The following RANBP3L variants were observed in gnomAD, a reference collection of about 807,000 sequenced individuals.
RANBP3L encodes the protein ran-binding protein 3-like.
Under a neutral mutation model 67.2 loss-of-function variants are expected in RANBP3L, and 56 were observed. The ratio of observed to expected loss-of-function variants is 0.83; its 90% CI spans 0.67 to 1.04. The LOEUF (loss-of-function observed/expected upper bound fraction) is 1.04. Among genes scored for constraint, RANBP3L ranks in the 50% least tolerant of loss-of-function variants. RANBP3L has a pLI of 0.00. For missense variants in RANBP3L, 496 were observed against 535.5 expected (o/e 0.93, Z 0.73); for synonymous variants, 164 against 181.4 (o/e 0.90, Z 0.77).
intron 12 of RANBP3L, among the ~76,000 whole-genome samples, chr5:36,252,618 A>G (rs1748674923): frequency 6.6e-6 from 1 of 152,102 alleles, no homozygotes; most frequent in African/African-American, 2.4e-5. Context: ...TTGTATGTGT[A>G]TACTAAAATA....
rs952912137 is a variant in RANBP3L at position 36,298,581 on chromosome 5, C to T, written c.91+2745G>A. Among the ~76,000 whole-genome samples, 9 of 152,284 alleles carry T rather than the reference C, an allele frequency of 5.9e-5. No individual in the cohort carries two copies. In the South Asian group the frequency reaches 1.0e-3, roughly 18 times the overall value. ...TGGAGGAAAAAGCAGGGCCACTGCT[C>T]TGAATGAATACTTTAAAACTCCAGG... On this transcript the variant is annotated intron_variant, in intron 1 of 13. Transcript: ENST00000296604.
chr5:36,290,726 C>CTTTTT (rs61105686), intron 1 of RANBP3L, among the ~76,000 whole-genome samples: 5 of 55,446 alleles, frequency 9.0e-5, no homozygotes, highest in South Asian at 9.1e-4. Flanking sequence ...ACAACCATGG[C>CTTTTT]TTTTTTTTTT....
At chr5:36,262,177 A>G in intron 6 of RANBP3L, 135 bp from the exon 7 acceptor site, 2 of 555,924 alleles carry the variant, frequency 3.6e-6, no homozygotes, top group Non-Finnish European at 6.4e-6. Context: ...CATTTTATGT[A>G]CGATCTCATT....
chr5:36,275,578 T>C (rs1259246314), intron 1 of RANBP3L, among the ~76,000 whole-genome samples: 1 of 152,106 alleles, frequency 6.6e-6, no homozygotes, highest in Non-Finnish European at 1.5e-5. Flanking sequence ...GACTCCCTCC[T>C]TAAATCAGAA....
chr5:36,290,654 T>A (rs1161093695), intron 1 of RANBP3L, among the ~76,000 whole-genome samples: 1 of 1,198 alleles, frequency 8.3e-4, no homozygotes, highest in African/African-American at 4.7e-3. Context: ...AATAAAGGAT[T>A]TTTTTTTTTA....
intron 7 of RANBP3L, among the ~76,000 whole-genome samples, chr5:36,261,731 A>C (rs1208112248): frequency 6.6e-6 from 1 of 152,184 alleles, no homozygotes; most frequent in Non-Finnish European, 1.5e-5. Context: ...GAAACAATGA[A>C]GACAATCCAG....
At chr5:36,268,949 G>A (rs1750010404) in intron 4 of RANBP3L, among the ~76,000 whole-genome samples, 1 of 152,112 alleles carries the variant, frequency 6.6e-6, no homozygotes, top group African/African-American at 2.4e-5. Context: ...AGACCTCATG[G>A]TCTGTCCACC....
chr5:36,259,835 T>G (rs74498842), intron 8 of RANBP3L, among the ~76,000 whole-genome samples: 1 of 152,166 alleles, frequency 6.6e-6, no homozygotes, highest in Non-Finnish European at 1.5e-5. Flanking sequence ...TTCACTTTTC[T>G]GTAAAATTTT....
chr5:36,260,888 A>G, intron 7 of RANBP3L, 24 bp from the exon 8 acceptor site: 1 of 1,019,860 alleles, frequency 9.8e-7, no homozygotes, highest in Non-Finnish European at 1.5e-6. Flanking sequence ...ATAAGCATTT[A>G]CTATTTTAAA....
chr5:36,277,460 G>A (rs1251845079), intron 1 of RANBP3L, among the ~76,000 whole-genome samples: 86 of 149,688 alleles, frequency 5.7e-4, no homozygotes, highest in African/African-American at 1.6e-3. Flanking sequence ...GTGTGTGTGT[G>A]TGTGTGTGTG....
intron 1 of RANBP3L, among the ~76,000 whole-genome samples, chr5:36,272,901 C>T (rs1164456649): frequency 6.6e-6 from 1 of 152,170 alleles, no homozygotes; most frequent in Non-Finnish European, 1.5e-5. Flanking sequence ...CTTGGCCTCC[C>T]AAAGTGCTGG....
Position 36,269,471 on chromosome 5 carries a change from CA to C in RANBP3L, c.191-5del. Reference sequence around the variant, plus strand: ...TTTGTTGGAAAACCATTACATTCTGCAAGAAAAGCAATGGAAAGGCTAAAAT... The same window carrying C: ...TTTGTTGGAAAACCATTACATTCTGCAGAAAAGCAATGGAAAGGCTAAAAT... On this transcript the variant is annotated splice_region_variant and splice_polypyrimidine_tract_variant and intron_variant, in intron 3 of 13. Coordinates refer to ENST00000296604, the MANE Select transcript of RANBP3L (RefSeq NM_145000.5). The C allele has an allele frequency of 6.7e-7, 1 of 1,484,490 alleles. No homozygotes were observed. The highest frequency in any genetic ancestry group is 9.4e-7 in the Non-Finnish European group (1 of 1,062,056). The allele number at this position is 1,484,490 out of a possible 1,614,324, so 92.0% of individuals were successfully genotyped here. A position where few individuals can be genotyped will look rare whatever the true frequency, so the allele number is the denominator to read the frequency against.
intron 1 of RANBP3L, among the ~76,000 whole-genome samples, chr5:36,291,530 C>T (rs1356270787): frequency 6.6e-6 from 1 of 152,064 alleles, no homozygotes; most frequent in African/African-American, 2.4e-5. Context: ...GGTATATCTT[C>T]CAATGCTATC....
chr5:36,261,377 G>C (rs1319186932), intron 7 of RANBP3L, among the ~76,000 whole-genome samples: 2 of 152,136 alleles, frequency 1.3e-5, no homozygotes, highest in East Asian at 3.8e-4. Flanking sequence ...TTTGTAGACA[G>C]ATGTGCTCAG....
At chr5:36,298,977 C>T (rs574184744) in intron 1 of RANBP3L, among the ~76,000 whole-genome samples, 2 of 151,914 alleles carry the variant, frequency 1.3e-5, no homozygotes, top group Admixed American at 1.3e-4. Context: ...TCTGTGAGGG[C>T]GTTGCCAAAA....
intron 1 of RANBP3L, among the ~76,000 whole-genome samples, chr5:36,292,434 G>T (rs1024359430): frequency 6.6e-6 from 1 of 152,090 alleles, no homozygotes; most frequent in African/African-American, 2.4e-5. Context: ...TTTGGCTTTT[G>T]TTGCCATTGC....
At position 36,301,538 on chromosome 5, in the gene RANBP3L, C is replaced by A; in HGVS notation, c.-122G>T. 4.5e-6 allele frequency: 3 copies of A among 666,986 alleles called. No individual in the cohort carries two copies. Among genetic ancestry groups the A allele is most frequent in the South Asian group, 3.5e-5 (2 of 56,678 alleles). The allele number at this position is 666,986 out of a possible 1,614,324, so 41.3% of individuals were successfully genotyped here. On this transcript the variant is annotated 5_prime_UTR_variant, in exon 1 of 14. The change abolishes an upstream ATG in the 5' untranslated region. Transcript: ENST00000296604. ...TAGATTCATGCAGATCTTGTCTTTGCATGTACAACATATACTCCTCTACTA... is the reference window on the plus strand; with the variant it reads ...TAGATTCATGCAGATCTTGTCTTTGAATGTACAACATATACTCCTCTACTA...
rs562032749 is a variant in RANBP3L at position 36,288,206 on chromosome 5, T to C, written c.91+13120A>G. Among the ~76,000 whole-genome samples the C allele has an allele frequency of 2.6e-5, 4 of 152,342 alleles. No individual in the cohort carries two copies. The South Asian group carries it at 8.3e-4, about 32-fold the overall frequency. On this transcript the variant is annotated intron_variant, in intron 1 of 13. Coordinates refer to ENST00000296604, the MANE Select transcript of RANBP3L (RefSeq NM_145000.5). ...ACAACTGTTCTGATGTCTATCACCA[T>C]GGCCTAGTTTTGCCTGTAGAAATAT...
chr5:36,268,696 A>T (rs1749983853), intron 4 of RANBP3L, among the ~76,000 whole-genome samples: 1 of 151,988 alleles, frequency 6.6e-6, no homozygotes, highest in Non-Finnish European at 1.5e-5. Context: ...GCATCCATTT[A>T]TTTAAATAGG....
Sources: allele counts gnomAD v4.1 joint callset (sites outside exome capture counted in the v4.1 genomes callset), GRCh38; gene constraint gnomAD v4.1.1; transcripts MANE v1.5; gene names NCBI Gene and HGNC (gene_info 2026-07-23, HGNC 2026-07-21).